RABGAP1L: variants seen among roughly 807,000 people sequenced by gnomAD.
RABGAP1L encodes rab GTPase-activating protein 1-like.
In RABGAP1L, 63 loss-of-function variants were observed where a neutral mutation model predicts 137.7. That is an observed-to-expected ratio of 0.46 (90% confidence interval 0.37 to 0.56). The LOEUF is 0.56. Ranked by LOEUF, RABGAP1L falls within the 20% of genes least tolerant of loss-of-function variation. The pLI is 0.00. For missense variants in RABGAP1L, 1,095 were observed against 1,244.0 expected, an observed-to-expected ratio of 0.88 and a Z score of 1.80; for synonymous variants, 431 against 433.7, an observed-to-expected ratio of 0.99 and a Z score of 0.08.
intron 13 of RABGAP1L, among the ~76,000 whole-genome samples, chr1:174,414,608 A>AT (rs200956227): frequency 1.8e-4 from 28 of 151,526 alleles, no homozygotes; most frequent in Admixed American, 6.6e-4. Context: ...GTGCTCCATG[A>AT]TTTTTTTTTA....
intron 1 of RABGAP1L, among the ~76,000 whole-genome samples, chr1:174,202,835 G>A (rs544524244): frequency 6.6e-6 from 1 of 152,222 alleles, no homozygotes; most frequent in East Asian, 1.9e-4. Context: ...TGTATAAGGT[G>A]TAAGGAAGGG....
intron 19 of RABGAP1L, among the ~76,000 whole-genome samples, chr1:174,840,821 A>AG (rs1005354492): frequency 8.2e-5 from 7 of 85,720 alleles, no homozygotes. Flanking sequence ...GTCTCAAAAA[A>AG]AAAAATAAAA....
chr1:174,241,938 G>A (rs1314652791), intron 5 of RABGAP1L, among the ~76,000 whole-genome samples: 5 of 152,146 alleles, frequency 3.3e-5, no homozygotes, highest in Non-Finnish European at 5.9e-5. Context: ...TGCTCAGAAG[G>A]GAGACTATTT....
chr1:174,533,783 G>A (rs1664644402), intron 13 of RABGAP1L, among the ~76,000 whole-genome samples: 1 of 152,064 alleles, frequency 6.6e-6, no homozygotes, highest in Non-Finnish European at 1.5e-5. Context: ...CGATTCTCCT[G>A]CCTCAGCCTC....
Position 174,761,371 on chromosome 1 carries a change from G to A in RABGAP1L, c.2211+9017G>A, listed in dbSNP as rs1020557862. On this transcript the variant is annotated intron_variant, in intron 18 of 25. Transcript: ENST00000681986. This position sits in a 1 kb window ranked among gnomAD's most constrained non-coding sequence, Gnocchi z 4.0. ...GCGCTCCTCACTTGCCAGACAGTGC[G>A]GGGGCCAGGGAGAGGCACTCCTCAC... Among the ~76,000 whole-genome samples, 2 of 151,884 alleles carry A rather than the reference G, an allele frequency of 1.3e-5. No homozygotes were observed. The highest frequency in any genetic ancestry group is 2.9e-5 in the Non-Finnish European group (2 of 67,956).
intron 15 of RABGAP1L, among the ~76,000 whole-genome samples, chr1:174,686,925 C>T (rs974639501): frequency 6.6e-6 from 1 of 151,932 alleles, no homozygotes; most frequent in Non-Finnish European, 1.5e-5. Context: ...TCCCAAAGTG[C>T]TGGGATTACA....
At chr1:174,813,713 T>C (rs865919357) in intron 19 of RABGAP1L, among the ~76,000 whole-genome samples, 1 of 152,226 alleles carries the variant, frequency 6.6e-6, no homozygotes, top group Non-Finnish European at 1.5e-5. Flanking sequence ...CTGATTGTTT[T>C]ATTTGGCCAA....
chr1:174,638,433 TG>T (rs1205427308), intron 14 of RABGAP1L, among the ~76,000 whole-genome samples: 1 of 152,056 alleles, frequency 6.6e-6, no homozygotes, highest in Non-Finnish European at 1.5e-5. Flanking sequence ...TTTACACTGT[TG>T]GTGGGACTGT....
intron 19 of RABGAP1L, among the ~76,000 whole-genome samples, chr1:174,951,546 C>G (rs1203177867): frequency 6.6e-6 from 1 of 152,186 alleles, no homozygotes; most frequent in Non-Finnish European, 1.5e-5. Flanking sequence ...TACATCAATG[C>G]AGTGCTAAAA....
chr1:174,541,762 C>T (rs533345219), intron 13 of RABGAP1L, among the ~76,000 whole-genome samples: 113 of 151,010 alleles, frequency 7.5e-4, no homozygotes, highest in African/African-American at 2.3e-3. Context: ...GGTGACAGCA[C>T]GAGACTCCGT....
At chr1:174,483,053 A>T (rs1408790563) in intron 13 of RABGAP1L, among the ~76,000 whole-genome samples, 1 of 152,172 alleles carries the variant, frequency 6.6e-6, no homozygotes, top group Non-Finnish European at 1.5e-5. Flanking sequence ...ATTTTGATAT[A>T]TGCATGCAAT....
chr1:174,890,514 C>T (rs1367037812), intron 19 of RABGAP1L, among the ~76,000 whole-genome samples: 2 of 152,062 alleles, frequency 1.3e-5, no homozygotes, highest in South Asian at 2.1e-4. Flanking sequence ...TTTTAAAGTA[C>T]AGGTTTTGAT....
chr1:174,229,901 TA>T (rs1408367317), intron 3 of RABGAP1L, among the ~76,000 whole-genome samples: 1 of 152,174 alleles, frequency 6.6e-6, no homozygotes, highest in East Asian at 1.9e-4. Context: ...AAAGTGTTCC[TA>T]TTTCTCCACA....
chr1:174,327,990 T>TATATATAC (rs1680648854), intron 11 of RABGAP1L, among the ~76,000 whole-genome samples: 2 of 36,372 alleles, frequency 5.5e-5, no homozygotes, highest in African/African-American at 1.0e-4. Flanking sequence ...CACACACATA[T>TATATATAC]ATATATATAT....
chr1:174,679,752 C>G (rs539055480), intron 14 of RABGAP1L, among the ~76,000 whole-genome samples: 1 of 152,326 alleles, frequency 6.6e-6, no homozygotes, highest in African/African-American at 2.4e-5. Context: ...AGATACCATT[C>G]TCCAAATTTA....
intron 17 of RABGAP1L, among the ~76,000 whole-genome samples, chr1:174,727,994 C>A (rs957292720): frequency 6.6e-6 from 1 of 152,102 alleles, no homozygotes; most frequent in African/African-American, 2.4e-5. Context: ...ACTCTCAGCA[C>A]TAAATTTTAT....
chr1:174,658,260 T>C (rs1361964605), intron 14 of RABGAP1L, among the ~76,000 whole-genome samples: 1 of 152,224 alleles, frequency 6.6e-6, no homozygotes, highest in African/African-American at 2.4e-5. Flanking sequence ...TGATATTTCC[T>C]GCTATTGTGG....
chr1:174,652,075 T>C (rs1044773579), intron 14 of RABGAP1L, among the ~76,000 whole-genome samples: 5 of 152,234 alleles, frequency 3.3e-5, no homozygotes, highest in Admixed American at 6.5e-5. Flanking sequence ...TAAAGTATTT[T>C]ATTTCTCCTT....
intron 13 of RABGAP1L, among the ~76,000 whole-genome samples, chr1:174,578,887 A>G (rs1668552242): frequency 1.3e-5 from 2 of 152,148 alleles, no homozygotes; most frequent in African/African-American, 4.8e-5. Flanking sequence ...GTGAACAGTT[A>G]GGTCTCCCTT....
Sources: gnomAD v4.1 joint callset for allele counts (sites outside exome capture counted in the v4.1 genomes callset) on GRCh38, gnomAD v4.1.1 for gene constraint, Gnocchi (gnomAD v3.1) non-coding constraint, MANE v1.5 for transcripts, NCBI Gene and HGNC (gene_info 2026-07-23, HGNC 2026-07-21) for gene names.